TDRD3: variants seen among roughly 807,000 people sequenced by gnomAD.
The protein encoded by TDRD3 is tudor domain containing 3.
TDRD3 carries 45 observed loss-of-function variants against 86.7 expected under a neutral mutation model. The observed-to-expected ratio is 0.52, with a 90% CI of 0.41 to 0.67. The LOEUF (loss-of-function observed/expected upper bound fraction) is 0.67, where lower values mean the gene tolerates loss of function less well. Ranked by LOEUF, TDRD3 falls within the 30% of genes least tolerant of loss-of-function variation. TDRD3 has a pLI of 0.00. For missense variants in TDRD3, 814 were observed against 889.0 expected (o/e 0.92, Z 1.07); for synonymous variants, 298 against 301.7 (o/e 0.99, Z 0.13).
chr13:60,419,638 G>A (rs1370125183), intron 1 of TDRD3, among the ~76,000 whole-genome samples: 2 of 151,966 alleles, frequency 1.3e-5, no homozygotes, highest in East Asian at 1.9e-4. Context: ...TTGTGGGGGC[G>A]GGGGGCAAAG....
intron 12 of TDRD3, among the ~76,000 whole-genome samples, chr13:60,550,986 A>G (rs181459097): frequency 6.6e-6 from 1 of 152,296 alleles, no homozygotes; most frequent in African/African-American, 2.4e-5. Context: ...TGTTGAGAGT[A>G]GAAAGTATTA....
intron 1 of TDRD3, among the ~76,000 whole-genome samples, chr13:60,426,095 TA>T (rs943050952): frequency 6.6e-6 from 1 of 152,062 alleles, no homozygotes; most frequent in Non-Finnish European, 1.5e-5. Context: ...ATTGAGCCTT[TA>T]AAAAGAAGGA....
At chr13:60,555,605 C>G (rs546213443) in intron 12 of TDRD3, among the ~76,000 whole-genome samples, 1 of 152,102 alleles carries the variant, frequency 6.6e-6, no homozygotes, top group South Asian at 2.1e-4. Flanking sequence ...GTAAATGATA[C>G]CAACGTACTT....
At chr13:60,405,515 T>C (rs1458875915) in intron 1 of TDRD3, among the ~76,000 whole-genome samples, 2 of 152,144 alleles carry the variant, frequency 1.3e-5, no homozygotes, top group South Asian at 4.1e-4. Context: ...CAGAGAATGC[T>C]ATCCTGAGAT....
Position 60,528,450 on chromosome 13 carries a change from C to T in TDRD3, c.1225C>T (p.His409Tyr), listed in dbSNP as rs1957498635. Reference sequence around the variant, plus strand: ...GCAAAATGGAGTAAAAGATAATAATCATCTGAGACATCCTCCTCGAAATGA... The same window carrying T: ...GCAAAATGGAGTAAAAGATAATAATTATCTGAGACATCCTCCTCGAAATGA... Reference protein sequence around the residue: ...TEQNGVKDNNHLRHPPRNDTR... With the variant: ...TEQNGVKDNNYLRHPPRNDTR... Residue 409 changes from histidine (H) to tyrosine (Y), a missense_variant, in exon 11 of 14, where the codon CAT becomes TAT. Coordinates refer to ENST00000377881, the MANE Select transcript of TDRD3 (RefSeq NM_001146070.2). 6.2e-7 allele frequency: 1 copy of T among 1,613,798 alleles called. No homozygotes were observed. The highest frequency in any genetic ancestry group is 8.5e-7 in the Non-Finnish European group (1 of 1,179,890).
At chr13:60,402,374 A>G (rs1466511115) in intron 1 of TDRD3, among the ~76,000 whole-genome samples, 6 of 152,230 alleles carry the variant, frequency 3.9e-5, no homozygotes, top group African/African-American at 1.4e-4. Context: ...TAGTGGTAAT[A>G]GACATAAAAT....
intron 13 of TDRD3, among the ~76,000 whole-genome samples, chr13:60,568,778 T>A (rs1958519730): frequency 6.6e-6 from 1 of 152,026 alleles, no homozygotes; most frequent in South Asian, 2.1e-4. Context: ...ATAAAGAACA[T>A]CCAAATTGGA....
intron 1 of TDRD3, among the ~76,000 whole-genome samples, chr13:60,413,090 G>A (rs776973846): frequency 1.3e-5 from 2 of 151,206 alleles, no homozygotes; most frequent in African/African-American, 2.4e-5. Context: ...GAACTAATAG[G>A]TCAACAGGAA....
intron 12 of TDRD3, among the ~76,000 whole-genome samples, chr13:60,538,764 G>A (rs1416261067): frequency 6.6e-6 from 1 of 152,070 alleles, no homozygotes; most frequent in Non-Finnish European, 1.5e-5. Flanking sequence ...AGATGCCACA[G>A]GCAATTTGGA....
intron 1 of TDRD3, among the ~76,000 whole-genome samples, chr13:60,423,729 T>C (rs1954721862): frequency 6.6e-6 from 1 of 152,144 alleles, no homozygotes; most frequent in Non-Finnish European, 1.5e-5. Flanking sequence ...ATTAAGTGTA[T>C]TTAATTGTAA....
intron 5 of TDRD3, among the ~76,000 whole-genome samples, chr13:60,479,504 A>G (rs966708982): frequency 5.9e-5 from 9 of 152,138 alleles, no homozygotes; most frequent in African/African-American, 2.2e-4. Context: ...GCATATGTTT[A>G]TTAGGTCCAA....
intron 8 of TDRD3, among the ~76,000 whole-genome samples, chr13:60,500,748 T>C (rs925357140): frequency 2.0e-5 from 3 of 152,166 alleles, no homozygotes; most frequent in African/African-American, 7.2e-5. Flanking sequence ...CAAAGAAATT[T>C]GGGAAAGAGG....
chr13:60,426,299 G>A (rs1039996544), intron 1 of TDRD3, among the ~76,000 whole-genome samples: 2 of 152,148 alleles, frequency 1.3e-5, no homozygotes, highest in Admixed American at 6.5e-5. Flanking sequence ...GAGGAAATGG[G>A]GAGATGTGGG....
At chr13:60,439,666 G>A (rs1955208150) in intron 1 of TDRD3, 22 bp from the exon 2 acceptor site, 4 of 1,510,722 alleles carry the variant, frequency 2.6e-6, no homozygotes, top group African/African-American at 1.4e-5. Flanking sequence ...ATAATATTAA[G>A]CCATTTATTT....
At chr13:60,493,538 C>G (rs2137556444) in intron 7 of TDRD3, among the ~76,000 whole-genome samples, 1 of 152,074 alleles carries the variant, frequency 6.6e-6, no homozygotes, top group African/African-American at 2.4e-5. Flanking sequence ...TGGCACATAC[C>G]TGTAATCCCA....
chr13:60,408,414 A>G (rs909824854), intron 1 of TDRD3, among the ~76,000 whole-genome samples: 5 of 152,204 alleles, frequency 3.3e-5, no homozygotes, highest in African/African-American at 1.2e-4. Context: ...AACAGTTTGG[A>G]GGGCTTAGAA....
Position 60,494,471 on chromosome 13 carries a change from A to G in TDRD3, c.754A>G (p.Ser252Gly). 1 of 1,613,776 alleles carries G rather than the reference A, an allele frequency of 6.2e-7. No homozygotes were observed. Among genetic ancestry groups the G allele is most frequent in the Non-Finnish European group, 8.5e-7 (1 of 1,179,812 alleles). Residue 252 changes from serine to glycine, a missense_variant, in exon 8 of 14, where the codon AGT (serine) becomes GGT (glycine). Transcript: ENST00000377881. ...TFGGGGGGARSNLNMNAAGNR... is the reference protein window; with the variant it reads ...TFGGGGGGARGNLNMNAAGNR... ...TGGAGGAGGTGGTGGTGGTGCTAGA[A>G]GTAATCTCAATATGAATGCTGCTGG...
At chr13:60,463,865 C>T (rs1430458645) in intron 4 of TDRD3, among the ~76,000 whole-genome samples, 1 of 152,116 alleles carries the variant, frequency 6.6e-6, no homozygotes, top group African/African-American at 2.4e-5. Context: ...ATATTTGACC[C>T]TCTAAACCCT....
At position 60,493,919 on chromosome 13, in the gene TDRD3, G is replaced by A. The variant is rs145357270; in HGVS notation, c.718-516G>A. 9.2e-5 allele frequency among the ~76,000 whole-genome samples: 14 copies of A among 152,056 alleles called. No individual in the cohort carries two copies. In the East Asian group the frequency reaches 1.7e-3, roughly 19 times the overall value. On this transcript the variant is annotated intron_variant, in intron 7 of 13. Coordinates refer to ENST00000377881, the MANE Select transcript of TDRD3 (RefSeq NM_001146070.2). ...GACTTAAAAGCTTTTATATGCAGTC[G>A]GTAAGAAATGACATATTACATGATT...
Sources: allele counts gnomAD v4.1 joint callset (sites outside exome capture counted in the v4.1 genomes callset), GRCh38; gene constraint gnomAD v4.1.1; transcripts MANE v1.5; gene names NCBI Gene and HGNC (gene_info 2026-07-23, HGNC 2026-07-21).